The following CACNA1S variants were observed in gnomAD, a reference collection of about 807,000 sequenced individuals.
The protein encoded by CACNA1S is calcium voltage-gated channel subunit alpha1 S, also known as voltage-dependent L-type calcium channel subunit alpha-1S.
CACNA1S carries 126 observed loss-of-function variants against 207.4 expected under a neutral mutation model. That is an observed-to-expected ratio of 0.61 (90% confidence interval 0.53 to 0.70). The LOEUF (loss-of-function observed/expected upper bound fraction) is 0.70, where lower values mean the gene tolerates loss of function less well. Among genes scored for constraint, CACNA1S ranks in the 30% least tolerant of loss-of-function variants. The pLI, the probability that CACNA1S is intolerant of heterozygous loss-of-function variation, is 0.00. For missense variants in CACNA1S, 2,349 were observed against 2,422.8 expected (o/e 0.97, Z 0.64); for synonymous variants, 960 against 932.7 (o/e 1.03, Z -0.53).
intron 10 of CACNA1S, among the ~76,000 whole-genome samples, chr1:201,079,271 A>T (rs181419499): frequency 2.0e-4 from 30 of 151,600 alleles, no homozygotes; most frequent in Admixed American, 1.2e-3. Context: ...TTTGCTCTTC[A>T]CCTCATCCCT....
intron 3 of CACNA1S, among the ~76,000 whole-genome samples, chr1:201,093,100 A>G (rs1662295911): frequency 6.6e-6 from 1 of 152,244 alleles, no homozygotes; most frequent in Non-Finnish European, 1.5e-5. Flanking sequence ...ATTACGTGGT[A>G]GTTACTCATG....
In CACNA1S at chr1:201,040,389, C is replaced by G. The variant is rs886316496; in HGVS notation, c.5227-15G>C. The G allele has an allele frequency of 6.2e-7, 1 of 1,612,184 alleles. No homozygotes were observed. Among genetic ancestry groups the G allele is most frequent in the African/African-American group, 1.3e-5 (1 of 74,928 alleles). On this transcript the variant is annotated splice_polypyrimidine_tract_variant and intron_variant, in intron 42 of 43. Coordinates refer to ENST00000362061, the MANE Select transcript of CACNA1S (RefSeq NM_000069.3). Reference sequence around the variant, plus strand: ...ACCCTGGGGCACTGTTCCAAAGGTACAAAAGCAAAGACCCCGACAGGGGTG... The same window carrying G: ...ACCCTGGGGCACTGTTCCAAAGGTAGAAAAGCAAAGACCCCGACAGGGGTG...
In CACNA1S at chr1:201,085,050, G is replaced by A. The variant is rs1286424253; in HGVS notation, c.1151-19C>T. ...AGTTTTCCTGGAGACAGGAGAGAAA[G>A]AGTCAGCCAGCCTTCGGGGCCCCTC... On this transcript the variant is annotated intron_variant, in intron 8 of 43. Transcript: ENST00000362061. 6.3e-7 allele frequency: 1 copy of A among 1,596,062 alleles called. No homozygotes were observed. Among genetic ancestry groups the A allele is most frequent in the East Asian group, 2.2e-5 (1 of 44,824 alleles).
intron 3 of CACNA1S, among the ~76,000 whole-genome samples, chr1:201,092,388 T>A (rs1662268967): frequency 6.6e-6 from 1 of 152,120 alleles, no homozygotes; most frequent in African/African-American, 2.4e-5. Flanking sequence ...GGGTGAGGTA[T>A]GTGTGCCACA....
chr1:201,073,785 G>A, intron 14 of CACNA1S, 143 bp from the exon 15 acceptor site: 1 of 785,430 alleles, frequency 1.3e-6, no homozygotes. Flanking sequence ...AATGGGAAGG[G>A]CAGTGGGCTC....
Position 201,059,298 on chromosome 1 carries a change from T to G in CACNA1S, c.3416A>C (p.His1139Pro), listed in dbSNP as rs756628359. 105 of 1,609,110 alleles carry G rather than the reference T, an allele frequency of 6.5e-5. No homozygotes were observed. The highest frequency in any genetic ancestry group is 8.6e-5 in the Non-Finnish European group (101 of 1,175,660). The change falls in exon 27 of 44, where the codon CAC (histidine) becomes CCC (proline). Residue 1139 changes from histidine (H) to proline (P), a missense_variant and splice_region_variant. His to Pro is a moderately conservative substitution (Grantham distance 77, BLOSUM62 -2). Transcript: ENST00000362061. ...GTTCATCTGCTCCGACTGGTTGTAG[T>G]GCTGTGGAGGGGACACAGGAGCAGT... is the stretch of plus-strand genomic sequence containing the variant. ...MLNTICLGMQ[H>P]YNQSEQMNHI...
Position 201,047,240 on chromosome 1 carries a change from C to A in CACNA1S, c.4544-1G>T. 6.2e-7 allele frequency: 1 copy of A among 1,614,242 alleles called. No individual in the cohort carries two copies. Among genetic ancestry groups the A allele is most frequent in the Non-Finnish European group, 8.5e-7 (1 of 1,180,046 alleles). On this transcript the variant is annotated splice_acceptor_variant, in intron 37 of 43. Transcript: ENST00000362061. LOFTEE classifies it high-confidence loss of function. ...AACTTCCCCACTGTCACCTCATCAT[C>A]TGCAGAGGAGCCAACAAGAGATGCC...
rs374354332 is a variant in CACNA1S at position 201,054,462 on chromosome 1, A to C, written c.3666+43T>G. The C allele has an allele frequency of 5.0e-6, 8 of 1,597,842 alleles. No homozygotes were observed. The South Asian group carries it at 5.5e-5, about 11-fold the overall frequency. On this transcript the variant is annotated intron_variant, in intron 29 of 43. Coordinates refer to ENST00000362061, the MANE Select transcript of CACNA1S (RefSeq NM_000069.3). Reference sequence around the variant, plus strand: ...CCATGCATGCAAGTGGCAGGGCAGGAGCTGGTGAGCGTGCCAGGCAGGCTC... The same window carrying C: ...CCATGCATGCAAGTGGCAGGGCAGGCGCTGGTGAGCGTGCCAGGCAGGCTC...
chr1:201,043,386 G>A lies in CACNA1S; in HGVS notation c.4943C>T (p.Pro1648Leu). Residue 1648 changes from proline to leucine, a missense_variant, in exon 40 of 44, where the codon CCA becomes CTA. By Grantham distance (98) the Pro-to-Leu change is moderately conservative. Coordinates refer to ENST00000362061, the MANE Select transcript of CACNA1S (RefSeq NM_000069.3). ...MESPVFLEDF[P>L]QDPRTNPLAR... ...CAGGGGGTTGGTGCGTGGATCTTGT[G>A]GGAAGTCCTCCAAGAAGACAGGTGA... 6.2e-7 allele frequency: 1 copy of A among 1,614,110 alleles called. No homozygotes were observed. Among genetic ancestry groups the A allele is most frequent in the African/African-American group, 1.3e-5 (1 of 75,010 alleles).
chr1:201,044,831 T>C (rs1017315966), intron 38 of CACNA1S, among the ~76,000 whole-genome samples: 11 of 152,238 alleles, frequency 7.2e-5, no homozygotes, highest in African/African-American at 2.2e-4. Context: ...ATGGCTTACT[T>C]GTTTCTTATC....
chr1:201,051,885 C>T (rs538297918), intron 32 of CACNA1S, among the ~76,000 whole-genome samples: 4 of 152,338 alleles, frequency 2.6e-5, no homozygotes, highest in Admixed American at 6.5e-5. Flanking sequence ...TGCCTGCACA[C>T]GGTGAGGTGC....
At chr1:201,043,188 A>G (rs1660337519) in intron 40 of CACNA1S, 93 bp downstream of exon 40, 2 of 1,547,646 alleles carry the variant, frequency 1.3e-6, no homozygotes, top group African/African-American at 1.4e-5. Flanking sequence ...ACACCCTACA[A>G]ATTTGGGGTA....
chr1:201,062,436 C>T (rs1661085218), intron 23 of CACNA1S, 26 bp downstream of exon 23: 2 of 1,611,416 alleles, frequency 1.2e-6, no homozygotes, highest in Non-Finnish European at 1.7e-6. Context: ...CCGTGACCGT[C>T]CCACTGTGCT....
At chr1:201,041,158 T>C (rs542181170) in intron 41 of CACNA1S, among the ~76,000 whole-genome samples, 107 of 152,264 alleles carry the variant, frequency 7.0e-4, no homozygotes, top group African/African-American at 2.5e-3. Flanking sequence ...CGTCAGTGTG[T>C]CCAGGGGCTG....
At chr1:201,108,438 GT>G (rs112913431) in intron 2 of CACNA1S, among the ~76,000 whole-genome samples, 3 of 152,106 alleles carry the variant, frequency 2.0e-5, no homozygotes, top group African/African-American at 7.2e-5. Flanking sequence ...GTGGGGCAGA[GT>G]TTTTTTACAA....
chr1:201,047,451 G>A, intron 37 of CACNA1S, 74 bp downstream of exon 37: 1 of 1,363,038 alleles, frequency 7.3e-7, no homozygotes, highest in Non-Finnish European at 1.0e-6. Flanking sequence ...GATTCCCATG[G>A]GGCTCCTTGG....
At chr1:201,101,709 G>A (rs1211573120) in intron 2 of CACNA1S, among the ~76,000 whole-genome samples, 1 of 152,230 alleles carries the variant, frequency 6.6e-6, no homozygotes, top group East Asian at 1.9e-4. Context: ...GATGAACAGG[G>A]GGATCTGGGC....
At chr1:201,079,478 T>G (rs956743551) in intron 10 of CACNA1S, among the ~76,000 whole-genome samples, 3 of 152,172 alleles carry the variant, frequency 2.0e-5, no homozygotes, top group African/African-American at 4.8e-5. Flanking sequence ...TCTACTTCTC[T>G]GTATTTTCCT....
At chr1:201,040,572 C>G (rs1412161770) in intron 42 of CACNA1S, 50 bp downstream of exon 42, 1 of 1,550,210 alleles carries the variant, frequency 6.5e-7, no homozygotes, top group Non-Finnish European at 8.9e-7. Flanking sequence ...AGTATCAGGC[C>G]AGGCAGGGTC....
Sources: gnomAD v4.1 joint callset for allele counts (sites outside exome capture counted in the v4.1 genomes callset) on GRCh38, gnomAD v4.1.1 for gene constraint, MANE v1.5 for transcripts, NCBI Gene and HGNC (gene_info 2026-07-23, HGNC 2026-07-21) for gene names.